CACNA1A: variants seen among roughly 807,000 people sequenced by gnomAD.
The protein encoded by CACNA1A is calcium voltage-gated channel subunit alpha1 A, also known as voltage-dependent P/Q-type calcium channel subunit alpha-1A.
Under a neutral mutation model 262.4 loss-of-function variants are expected in CACNA1A, and 57 were observed. That is an observed-to-expected ratio of 0.22 (90% CI 0.18 to 0.27). The LOEUF (loss-of-function observed/expected upper bound fraction) is 0.27. Ranked by LOEUF, CACNA1A falls within the 10% of genes least tolerant of loss-of-function variation. The pLI, the probability that CACNA1A is intolerant of heterozygous loss-of-function variation, is 1.00. For synonymous variants in CACNA1A, 1,431 were observed against 1,419.3 expected (o/e 1.01, Z -0.18); for missense variants, 2,526 against 3,562.8 (o/e 0.71, Z 7.41).
chr19:13,344,466 T>G (rs2058728030), intron 6 of CACNA1A, among the ~76,000 whole-genome samples: 1 of 152,114 alleles, frequency 6.6e-6, no homozygotes, highest in Non-Finnish European at 1.5e-5. Flanking sequence ...AGAGAAGCCT[T>G]CTTGGACCTC....
At chr19:13,268,527 A>G (rs1006838307) in intron 24 of CACNA1A, among the ~76,000 whole-genome samples, 6 of 148,640 alleles carry the variant, frequency 4.0e-5, no homozygotes, top group Admixed American at 6.8e-5. Context: ...TCCGCCTCCC[A>G]GGTTCACGCC....
At chr19:13,458,166 TA>T (rs1366296215) in intron 1 of CACNA1A, among the ~76,000 whole-genome samples, 8 of 152,176 alleles carry the variant, frequency 5.3e-5, no homozygotes, top group African/African-American at 1.9e-4. Context: ...TTTTTACTTT[TA>T]TTTTTTTAAA....
chr19:13,429,282 G>A (rs920732687), intron 3 of CACNA1A, among the ~76,000 whole-genome samples: 3 of 151,406 alleles, frequency 2.0e-5, no homozygotes, highest in African/African-American at 4.9e-5. Context: ...TCCCCAGCAC[G>A]CCTGTCCTGG....
intron 10 of CACNA1A, among the ~76,000 whole-genome samples, chr19:13,317,668 T>C (rs2058154252): frequency 6.6e-6 from 1 of 152,362 alleles, no homozygotes; most frequent in South Asian, 2.1e-4. Context: ...CATTCCCTGA[T>C]GCAGGGGCAG....
At position 13,376,870 on chromosome 19, in the gene CACNA1A, A is replaced by C. The variant is rs2059426637; in HGVS notation, c.540-5091T>G. ...ATATAACACATATGTTATATGTGAT[A>C]TATATAACACATGATATATGTTATA... On this transcript the variant is annotated intron_variant, in intron 3 of 46. Coordinates refer to ENST00000360228, the MANE Select transcript of CACNA1A (RefSeq NM_001127222.2). 2.1e-5 allele frequency among the ~76,000 whole-genome samples: 3 copies of C among 143,090 alleles called. No homozygotes were observed. The South Asian group carries it at 6.4e-4, about 31-fold the overall frequency. 93.9% of individuals were successfully genotyped at this position (143,090 alleles called of 152,430 possible). A position where few individuals can be genotyped will look rare whatever the true frequency, so the allele number is the denominator to read the frequency against.
intron 38 of CACNA1A, 97 bp downstream of exon 38, chr19:13,224,569 CG>C (rs1568435898): frequency 2.6e-6 from 2 of 769,376 alleles, no homozygotes; most frequent in African/African-American, 3.5e-5. Flanking sequence ...AATGAAGATC[CG>C]GGTGGTGACA....
Position 13,207,675 on chromosome 19 carries a change from C to A in CACNA1A, c.7159G>T (p.Gly2387Trp), listed in dbSNP as rs1379375107. 2.8e-6 allele frequency: 4 copies of A among 1,430,042 alleles called. No individual in the cohort carries two copies. The highest frequency in any genetic ancestry group is 2.7e-6 in the Non-Finnish European group (3 of 1,091,306). The allele number at this position is 1,430,042 out of a possible 1,614,324, so 88.6% of individuals were successfully genotyped here. The change falls in exon 47 of 47, where the codon GGG becomes TGG. Residue 2387 changes from glycine (G) to tryptophan (W), a missense_variant. Transcript: ENST00000360228. The surrounding 1 kb of genome is among the most constrained non-coding windows in gnomAD (Gnocchi z 5.7). ...GGGCCAGATGCCGGCCACCGGGCCC[C>A]GCCGTGTCGACAGGCCCTGGGGGAC... is the stretch of plus-strand genomic sequence containing the variant. ...SESPRACRHG[G>W]ARWPASGPHV...
At chr19:13,430,128 T>C (rs935200663) in intron 3 of CACNA1A, among the ~76,000 whole-genome samples, 23 of 151,920 alleles carry the variant, frequency 1.5e-4, no homozygotes, top group African/African-American at 5.3e-4. Flanking sequence ...CACAACAATA[T>C]GAATGTACTT....
chr19:13,266,742 T>G (rs1231651707), intron 24 of CACNA1A, among the ~76,000 whole-genome samples: 2 of 152,024 alleles, frequency 1.3e-5, no homozygotes, highest in Non-Finnish European at 2.9e-5. Flanking sequence ...CCCAGATAAT[T>G]TTTTGCATTT....
chr19:13,207,363 T>G lies in CACNA1A; in HGVS notation c.7471A>C (p.Arg2491=). ...CTGTAGGGTTCGTGCAGGCCCTTCC[T>G]GGAGCCCGGCCCGCGGGGCCTGGCC... is the stretch of plus-strand genomic sequence containing the variant. ...GLARPRGPGS[R]KGLHEPYSES... The change falls in exon 47 of 47, where the codon AGG becomes CGG. Residue 2491 remains arginine, a synonymous_variant. Coordinates refer to ENST00000360228, the MANE Select transcript of CACNA1A (RefSeq NM_001127222.2). This position sits in a 1 kb window ranked among gnomAD's most constrained non-coding sequence, Gnocchi z 5.7. 1 of 1,554,352 alleles carries G rather than the reference T, an allele frequency of 6.4e-7. No individual in the cohort carries two copies. Among genetic ancestry groups the G allele is most frequent in the Non-Finnish European group, 8.6e-7 (1 of 1,157,122 alleles).
At chr19:13,318,338 G>A (rs758621949) in intron 10 of CACNA1A, among the ~76,000 whole-genome samples, 14 of 152,152 alleles carry the variant, frequency 9.2e-5, no homozygotes, top group Non-Finnish European at 1.6e-4. Flanking sequence ...AAGGAAGTCA[G>A]TGTGGCTGGA....
intron 3 of CACNA1A, among the ~76,000 whole-genome samples, chr19:13,382,872 G>A (rs2059547059): frequency 6.6e-6 from 1 of 152,200 alleles, no homozygotes; most frequent in Non-Finnish European, 1.5e-5. Context: ...GCGGTTGGCA[G>A]TTTGAGGCCC....
At chr19:13,223,704 C>G (rs747990926) in intron 38 of CACNA1A, among the ~76,000 whole-genome samples, 7 of 152,164 alleles carry the variant, frequency 4.6e-5, no homozygotes, top group Non-Finnish European at 7.3e-5. Context: ...GTTCACCCCT[C>G]TGTCAGGGCC....
chr19:13,298,367 G>A (rs2144950427), intron 19 of CACNA1A, among the ~76,000 whole-genome samples, 177 bp downstream of exon 19: 1 of 150,982 alleles, frequency 6.6e-6, no homozygotes, highest in South Asian at 2.1e-4. Flanking sequence ...CTGACCTCGT[G>A]ATCCATCCGC....
At chr19:13,384,073 C>T (rs977973212) in intron 3 of CACNA1A, among the ~76,000 whole-genome samples, 1 of 152,186 alleles carries the variant, frequency 6.6e-6, no homozygotes, top group Non-Finnish European at 1.5e-5. Flanking sequence ...TCATCTTGGT[C>T]TCTTAGTGTT....
intron 24 of CACNA1A, 38 bp from the exon 25 acceptor site, chr19:13,262,871 G>A: frequency 1.4e-6 from 2 of 1,433,782 alleles, no homozygotes; most frequent in South Asian, 2.4e-5. Flanking sequence ...AGGGAAGAGA[G>A]GAAGCAGAGG....
chr19:13,287,820 T>TC (rs398040922), intron 19 of CACNA1A, among the ~76,000 whole-genome samples: 4 of 150,664 alleles, frequency 2.7e-5, no homozygotes, highest in South Asian at 2.1e-4. Flanking sequence ...TTTTTTTTTT[T>TC]CAGACAGGGT....
intron 36 of CACNA1A, 46 bp from the exon 37 acceptor site, chr19:13,227,573 CA>C: frequency 8.6e-7 from 1 of 1,156,842 alleles, no homozygotes; most frequent in Non-Finnish European, 1.2e-6. Flanking sequence ...AACAAAAAAA[CA>C]AAACGGGAAT....
At chr19:13,294,157 C>A (rs1600261043) in intron 19 of CACNA1A, among the ~76,000 whole-genome samples, 1 of 136,360 alleles carries the variant, frequency 7.3e-6, no homozygotes, top group Non-Finnish European at 1.6e-5. Flanking sequence ...CTAAAATGAG[C>A]AATGCTACTG....
Sources: allele counts gnomAD v4.1 joint callset (sites outside exome capture counted in the v4.1 genomes callset), GRCh38; gene constraint gnomAD v4.1.1; non-coding constraint Gnocchi (gnomAD v3.1); transcripts MANE v1.5; gene names NCBI Gene and HGNC (gene_info 2026-07-23, HGNC 2026-07-21).